VTI1A: variants seen among roughly 807,000 people sequenced by gnomAD.
VTI1A encodes the protein vesicle transport through interaction with t-SNAREs 1A, also known as vesicle transport through interaction with t-SNAREs homolog 1A.
VTI1A carries 22 observed loss-of-function variants against 34.9 expected under a neutral mutation model. The ratio of observed to expected loss-of-function variants is 0.63; its 90% confidence interval spans 0.45 to 0.90. VTI1A has a LOEUF of 0.90. Among genes scored for constraint, VTI1A ranks in the 40% least tolerant of loss-of-function variants. The pLI, the probability that VTI1A is intolerant of heterozygous loss-of-function variation, is 0.00. For missense variants in VTI1A, 268 were observed against 275.6 expected, an observed-to-expected ratio of 0.97 and a Z score of 0.20; for synonymous variants, 87 against 97.3, an observed-to-expected ratio of 0.89 and a Z score of 0.62.
rs138710920 is a variant in VTI1A, at chr10:112,664,708, A to G, written c.428-3510A>G. ...GTGTGTTTCTCTATAAAAAGGGGCT[A>G]TGGATCAAGGATATGATTGATTCTG... is the stretch of plus-strand genomic sequence containing the variant. On this transcript the variant is annotated intron_variant, in intron 5 of 7. Coordinates refer to ENST00000393077, the MANE Select transcript of VTI1A (RefSeq NM_145206.4). Among the ~76,000 whole-genome samples the G allele has an allele frequency of 4.8e-3, 732 of 152,310 alleles. 3 individuals are homozygous for G. Among genetic ancestry groups the G allele is most frequent in the African/African-American group, 0.016 (682 of 41,566 alleles).
chr10:112,757,757 A>G (rs1270980254), intron 7 of VTI1A, among the ~76,000 whole-genome samples: 1 of 152,180 alleles, frequency 6.6e-6, no homozygotes, highest in Non-Finnish European at 1.5e-5. Flanking sequence ...TTGAAAACAG[A>G]AAAACTTTCA....
At chr10:112,642,044 A>C (rs1846596728) in intron 5 of VTI1A, among the ~76,000 whole-genome samples, 1 of 152,322 alleles carries the variant, frequency 6.6e-6, no homozygotes, top group Admixed American at 6.5e-5. Context: ...AAATGTAATA[A>C]ATGCAGTATT....
intron 5 of VTI1A, among the ~76,000 whole-genome samples, chr10:112,560,938 T>A (rs1851704695): frequency 6.6e-6 from 1 of 152,078 alleles, no homozygotes; most frequent in African/African-American, 2.4e-5. Context: ...ACCTTTAGCA[T>A]TATAATAATT....
chr10:112,599,106 A>G (rs1844783778), intron 5 of VTI1A, among the ~76,000 whole-genome samples: 1 of 152,108 alleles, frequency 6.6e-6, no homozygotes, highest in South Asian at 2.1e-4. Flanking sequence ...CCTTCCAGAA[A>G]CTTCTCTGAT....
chr10:112,492,675 T>G (rs1321727143), intron 3 of VTI1A, among the ~76,000 whole-genome samples: 1 of 151,574 alleles, frequency 6.6e-6, no homozygotes, highest in Non-Finnish European at 1.5e-5. Flanking sequence ...TAATCCCAGT[T>G]ACTTGGGAGG....
intron 4 of VTI1A, among the ~76,000 whole-genome samples, chr10:112,537,629 G>A (rs1850695868): frequency 6.6e-6 from 1 of 152,004 alleles, no homozygotes; most frequent in South Asian, 2.1e-4. Context: ...AGGAACAAAT[G>A]CACAATATTG....
At chr10:112,734,312 C>T (rs575273159) in intron 7 of VTI1A, among the ~76,000 whole-genome samples, 28 of 152,258 alleles carry the variant, frequency 1.8e-4, no homozygotes, top group South Asian at 4.1e-4. Flanking sequence ...TCGGGGGTCT[C>T]TGGCCCGTGG....
intron 7 of VTI1A, among the ~76,000 whole-genome samples, chr10:112,783,976 G>T (rs967797375): frequency 6.6e-6 from 1 of 152,218 alleles, no homozygotes; most frequent in Non-Finnish European, 1.5e-5. Context: ...AGAGTGAAAG[G>T]AAAGAAATAA....
At chr10:112,734,242 C>T (rs1371136018) in intron 7 of VTI1A, among the ~76,000 whole-genome samples, 1 of 152,058 alleles carries the variant, frequency 6.6e-6, no homozygotes, top group Non-Finnish European at 1.5e-5. Flanking sequence ...TTCCTCCTCT[C>T]CCTTCATCAT....
chr10:112,587,810 T>C (rs1178889994), intron 5 of VTI1A, among the ~76,000 whole-genome samples: 1 of 152,138 alleles, frequency 6.6e-6, no homozygotes, highest in Non-Finnish European at 1.5e-5. Flanking sequence ...AAAATGACTT[T>C]TAGACTTCCT....
chr10:112,635,816 A>G (rs1283341393), intron 5 of VTI1A, among the ~76,000 whole-genome samples: 1 of 152,234 alleles, frequency 6.6e-6, no homozygotes, highest in Non-Finnish European at 1.5e-5. Flanking sequence ...GCCCACATTT[A>G]GCTGATGGGA....
chr10:112,723,265 A>T (rs1450847584), intron 7 of VTI1A, among the ~76,000 whole-genome samples: 1 of 152,220 alleles, frequency 6.6e-6, no homozygotes, highest in Non-Finnish European at 1.5e-5. Flanking sequence ...AGGAACCTAT[A>T]GAAAAAGTGC....
At chr10:112,673,739 C>T (rs994047170) in intron 7 of VTI1A, among the ~76,000 whole-genome samples, 1 of 152,200 alleles carries the variant, frequency 6.6e-6, no homozygotes, top group South Asian at 2.1e-4. Flanking sequence ...TCATATTTTA[C>T]ATTTTAAATG....
Position 112,791,771 on chromosome 10 carries a change from T to A in VTI1A, c.561-23519T>A, listed in dbSNP as rs147029181. ...GGTACGTATAACTTACACTGATCACTGTTCTGAGTCTGTTCTCTAATAAAA... is the reference window on the plus strand; with the variant it reads ...GGTACGTATAACTTACACTGATCACAGTTCTGAGTCTGTTCTCTAATAAAA... On this transcript the variant is annotated intron_variant, in intron 7 of 7. Transcript: ENST00000393077. Among the ~76,000 whole-genome samples, 21 of 152,152 alleles carry A rather than the reference T, an allele frequency of 1.4e-4. No individual in the cohort carries two copies. The Middle Eastern group carries it at 0.014, about 99-fold the overall frequency.
rs577437004 is a variant in VTI1A at position 112,474,114 on chromosome 10, T to C, written c.264+9457T>C. Among the ~76,000 whole-genome samples the C allele has an allele frequency of 3.9e-4, 59 of 152,076 alleles. No homozygotes were observed. In the South Asian group the frequency reaches 0.012, roughly 32 times the overall value. ...TCTCGCTCTGTCGCCTAGGGTGGAGTGCAGTGGTGTGATCTCAGCTCACTG... is the reference window on the plus strand; with the variant it reads ...TCTCGCTCTGTCGCCTAGGGTGGAGCGCAGTGGTGTGATCTCAGCTCACTG... On this transcript the variant is annotated intron_variant, in intron 3 of 7. Coordinates refer to ENST00000393077, the MANE Select transcript of VTI1A (RefSeq NM_145206.4).
At chr10:112,716,298 C>T (rs1849611864) in intron 7 of VTI1A, among the ~76,000 whole-genome samples, 1 of 152,148 alleles carries the variant, frequency 6.6e-6, no homozygotes, top group Admixed American at 6.5e-5. Flanking sequence ...CATGTCTTGG[C>T]ATGTTCATTT....
chr10:112,541,234 A>G (rs1850857339), intron 5 of VTI1A, among the ~76,000 whole-genome samples: 1 of 152,140 alleles, frequency 6.6e-6, no homozygotes, highest in South Asian at 2.1e-4. Flanking sequence ...CTATAGCCTG[A>G]TATACTGAAT....
chr10:112,527,299 G>T, intron 4 of VTI1A, 135 bp downstream of exon 4: 1 of 618,850 alleles, frequency 1.6e-6, no homozygotes, highest in Non-Finnish European at 2.7e-6. Context: ...ATGCAAAGCT[G>T]GAGTCTTAAT....
intron 5 of VTI1A, among the ~76,000 whole-genome samples, chr10:112,547,231 C>T (rs540404860): frequency 3.3e-5 from 5 of 151,648 alleles, no homozygotes; most frequent in Admixed American, 6.6e-5. Context: ...AGTAAGCAAG[C>T]GGTGATTGTG....
Sources: allele counts gnomAD v4.1 joint callset (sites outside exome capture counted in the v4.1 genomes callset), GRCh38; gene constraint gnomAD v4.1.1; transcripts MANE v1.5; gene names NCBI Gene and HGNC (gene_info 2026-07-23, HGNC 2026-07-21).